DCTD: variants seen among roughly 807,000 people sequenced by gnomAD.
The protein encoded by DCTD is deoxycytidylate deaminase.
In DCTD, 23 loss-of-function variants were observed where a neutral mutation model predicts 21.0. The observed-to-expected ratio is 1.09, with a 90% CI of 0.79 to 1.55. The LOEUF is 1.55. DCTD is among the 40% of genes most tolerant of loss of function. The probability of loss-of-function intolerance (pLI) is 0.00; values close to 1 mark genes in which losing one functional copy is unlikely to be tolerated. For missense variants in DCTD, 224 were observed against 230.0 expected, an observed-to-expected ratio of 0.97 and a Z score of 0.17; for synonymous variants, 71 against 81.1, an observed-to-expected ratio of 0.88 and a Z score of 0.67.
At chr4:182,912,370 T>C (rs1486032588) in intron 3 of DCTD, among the ~76,000 whole-genome samples, 1 of 152,184 alleles carries the variant, frequency 6.6e-6, no homozygotes, top group African/African-American at 2.4e-5. Flanking sequence ...ATTTAATACC[T>C]TCTACAACTT....
At chr4:182,915,178 G>A in intron 2 of DCTD, 120 bp from the exon 3 acceptor site, 1 of 1,302,134 alleles carries the variant, frequency 7.7e-7, no homozygotes, top group Non-Finnish European at 1.1e-6. Flanking sequence ...TGCTGCAGGT[G>A]CTGAGAGCTG....
intron 3 of DCTD, among the ~76,000 whole-genome samples, chr4:182,901,558 C>T (rs915854269): frequency 1.1e-4 from 16 of 152,260 alleles, no homozygotes; most frequent in East Asian, 3.9e-4. Context: ...AGACCTGCAA[C>T]GCCTTCTGCC....
chr4:182,905,949 A>G (rs757644589), intron 3 of DCTD, among the ~76,000 whole-genome samples: 3 of 152,060 alleles, frequency 2.0e-5, no homozygotes, highest in East Asian at 1.9e-4. Context: ...GGGGGAGTCA[A>G]TCTACCTCTT....
intron 3 of DCTD, among the ~76,000 whole-genome samples, chr4:182,901,206 G>C (rs1735679248): frequency 6.6e-6 from 1 of 152,142 alleles, no homozygotes; most frequent in Admixed American, 6.5e-5. Context: ...AATTCTAATT[G>C]CTGCCTAAAT....
chr4:182,895,828 G>A (rs1187669114), intron 3 of DCTD, among the ~76,000 whole-genome samples: 1 of 152,264 alleles, frequency 6.6e-6, no homozygotes, highest in Non-Finnish European at 1.5e-5. Context: ...TGCCTGCAGA[G>A]TGTGATGGCC....
At chr4:182,904,097 C>G (rs536731357) in intron 3 of DCTD, among the ~76,000 whole-genome samples, 2 of 152,104 alleles carry the variant, frequency 1.3e-5, no homozygotes, top group East Asian at 3.9e-4. Flanking sequence ...ATCCCTGCCC[C>G]CTTCCTCAAT....
chr4:182,895,196 C>T (rs1468592590), intron 3 of DCTD, among the ~76,000 whole-genome samples: 1 of 152,178 alleles, frequency 6.6e-6, no homozygotes, highest in Non-Finnish European at 1.5e-5. Flanking sequence ...CTCAGCCTTC[C>T]AAGTAGCTGG....
intron 3 of DCTD, among the ~76,000 whole-genome samples, chr4:182,896,023 C>T (rs1474554289): frequency 6.6e-6 from 1 of 152,248 alleles, no homozygotes; most frequent in East Asian, 1.9e-4. Context: ...CCACATCACA[C>T]AAGCCACCTA....
intron 3 of DCTD, among the ~76,000 whole-genome samples, chr4:182,898,959 TC>T (rs1735229439): frequency 6.6e-6 from 1 of 152,194 alleles, no homozygotes. Context: ...TCAGAATGGA[TC>T]CCGCATACAA....
intron 3 of DCTD, among the ~76,000 whole-genome samples, chr4:182,905,001 C>T: frequency 6.6e-6 from 1 of 152,190 alleles, no homozygotes; most frequent in East Asian, 1.9e-4. Context: ...AAAACCAAAG[C>T]CAAAACCAGA....
intron 2 of DCTD, among the ~76,000 whole-genome samples, 179 bp from the exon 3 acceptor site, chr4:182,915,237 A>G (rs1201742818): frequency 2.0e-5 from 3 of 152,224 alleles, no homozygotes; most frequent in African/African-American, 7.2e-5. Context: ...AGCCAAGGAA[A>G]GTGCACCCCC....
At chr4:182,896,221 G>A (rs1734707442) in intron 3 of DCTD, among the ~76,000 whole-genome samples, 1 of 152,218 alleles carries the variant, frequency 6.6e-6, no homozygotes, top group Admixed American at 6.5e-5. Context: ...CTCTGGGTCA[G>A]AGAGATGAAG....
chr4:182,899,399 CTTTTTCTT>C, intron 3 of DCTD, among the ~76,000 whole-genome samples: 1 of 144,380 alleles, frequency 6.9e-6, no homozygotes, highest in South Asian at 2.2e-4. Context: ...CCTTTTTTTT[CTTTTTCTT>C]TTTTTTTTAG....
At chr4:182,905,264 C>T (rs1019704082) in intron 3 of DCTD, among the ~76,000 whole-genome samples, 4 of 152,116 alleles carry the variant, frequency 2.6e-5, no homozygotes, top group African/African-American at 9.7e-5. Flanking sequence ...TTGCTGAACC[C>T]CATGAACACT....
intron 3 of DCTD, among the ~76,000 whole-genome samples, chr4:182,900,160 A>G (rs930368134): frequency 6.6e-6 from 1 of 152,092 alleles, no homozygotes; most frequent in Non-Finnish European, 1.5e-5. Context: ...ACTGAAAATA[A>G]AAAAACTTAG....
At chr4:182,896,592 CAA>C (rs906325758) in intron 3 of DCTD, among the ~76,000 whole-genome samples, 2 of 152,148 alleles carry the variant, frequency 1.3e-5, no homozygotes, top group African/African-American at 4.8e-5. Context: ...CAAGGAAAGA[CAA>C]GAGAAGGGTG....
At chr4:182,905,164 G>C (rs886729828) in intron 3 of DCTD, among the ~76,000 whole-genome samples, 1 of 151,986 alleles carries the variant, frequency 6.6e-6, no homozygotes, top group African/African-American at 2.4e-5. Context: ...TCTCCTTCAA[G>C]AGGCTCCAAT....
chr4:182,891,417 C>T lies in DCTD; in HGVS notation c.519G>A (p.Pro173=), dbSNP rs753574375. 2.5e-5 allele frequency: 41 copies of T among 1,610,776 alleles called. No individual in the cohort carries two copies. The Middle Eastern group carries it at 4.9e-4, about 19-fold the overall frequency. Residue 173 remains proline, a synonymous_variant, in exon 6 of 6, where the codon CCG becomes CCA. Transcript: ENST00000438320. The part of the protein sequence containing the change: ...VIDFDSINSR[P]SQKLQ ...ATGTAACTCACTGAAGCTTTTGACT[C>T]GGTCTGCTGTTAATTGAATCAAAGT... is the stretch of plus-strand genomic sequence containing the variant.
intron 3 of DCTD, among the ~76,000 whole-genome samples, chr4:182,898,934 A>C (rs572081904): frequency 1.6e-4 from 25 of 152,352 alleles, no homozygotes; most frequent in Admixed American, 2.0e-4. Flanking sequence ...ATAGGTAAGA[A>C]GGGAAGGATA....
Sources: allele counts gnomAD v4.1 joint callset (sites outside exome capture counted in the v4.1 genomes callset), GRCh38; gene constraint gnomAD v4.1.1; transcripts MANE v1.5; gene names NCBI Gene and HGNC (gene_info 2026-07-23, HGNC 2026-07-21).